The following GPHN variants were observed in gnomAD, a reference collection of about 807,000 sequenced individuals.
The protein encoded by GPHN is gephyrin.
A neutral mutation model predicts 95.5 loss-of-function variants in GPHN; 17 were observed. That is an observed-to-expected ratio of 0.18 (90% CI 0.12 to 0.27). GPHN has a LOEUF of 0.27. Among genes scored for constraint, GPHN ranks in the 10% least tolerant of loss-of-function variants. The pLI, the probability that GPHN is intolerant of heterozygous loss-of-function variation, is 1.00. For synonymous variants in GPHN, 320 were observed against 322.5 expected (o/e 0.99, Z 0.08); for missense variants, 660 against 978.1 (o/e 0.67, Z 4.34).
At chr14:66,741,367 A>T in intron 2 of GPHN, among the ~76,000 whole-genome samples, 1 of 152,174 alleles carries the variant, frequency 6.6e-6, no homozygotes, top group East Asian at 1.9e-4. Flanking sequence ...TTTGGAGATG[A>T]CTTGTGAAAC....
the GPHN span, chr14:67,646,383 AGG>A: frequency 4.4e-6 from 2 of 453,352 alleles, no homozygotes; most frequent in Non-Finnish European, 7.9e-6. Context: ...TCCTGCTACT[AGG>A]TAAGTTAATG....
the GPHN span, among the ~76,000 whole-genome samples, chr14:67,520,922 C>A: frequency 2.0e-5 from 3 of 152,216 alleles, no homozygotes; most frequent in Admixed American, 6.5e-5. Context: ...AGCAATTTTG[C>A]ATTCCCACAA....
At chr14:67,094,629 T>C (rs1224356532) in intron 12 of GPHN, among the ~76,000 whole-genome samples, 1 of 152,186 alleles carries the variant, frequency 6.6e-6, no homozygotes, top group Non-Finnish European at 1.5e-5. Flanking sequence ...CCTAAACTTG[T>C]AGAATTCATC....
the GPHN span, among the ~76,000 whole-genome samples, chr14:67,675,560 A>G: frequency 7.0e-6 from 1 of 143,640 alleles, no homozygotes; most frequent in Non-Finnish European, 1.6e-5. Flanking sequence ...GGCCCGAGTA[A>G]TTCTCCTCGT....
At chr14:67,695,716 CA>C in the GPHN span, 3 of 1,613,106 alleles carry the variant, frequency 1.9e-6, no homozygotes. Flanking sequence ...CTGCCGGCTG[CA>C]GCGGCACCAG....
At chr14:67,608,586 G>T in the GPHN span, among the ~76,000 whole-genome samples, 2 of 152,186 alleles carry the variant, frequency 1.3e-5, no homozygotes, top group Non-Finnish European at 1.5e-5. Flanking sequence ...AGGTTCTATT[G>T]TGTTTTTTGA....
intron 12 of GPHN, among the ~76,000 whole-genome samples, chr14:67,097,011 C>T (rs2077430247): frequency 6.6e-6 from 1 of 152,164 alleles, no homozygotes; most frequent in Non-Finnish European, 1.5e-5. Context: ...GTCATTCGTG[C>T]ATGAATCTTC....
At chr14:66,882,866 A>C (rs1008284930) in intron 5 of GPHN, among the ~76,000 whole-genome samples, 1 of 151,626 alleles carries the variant, frequency 6.6e-6, no homozygotes, top group Admixed American at 6.6e-5. Flanking sequence ...TAAAAAAAAA[A>C]AAGTAAAATA....
At chr14:67,588,515 T>C in the GPHN span, 2 of 152,140 alleles carry the variant, frequency 1.3e-5, no homozygotes, top group Non-Finnish European at 2.9e-5. Context: ...TCTTTTGCCT[T>C]ACTGATAATA....
At chr14:66,717,121 G>T (rs2070256673) in intron 2 of GPHN, among the ~76,000 whole-genome samples, 1 of 152,144 alleles carries the variant, frequency 6.6e-6, no homozygotes, top group Non-Finnish European at 1.5e-5. Flanking sequence ...TTCTTCCTCA[G>T]GAACACCGAT....
intron 2 of GPHN, among the ~76,000 whole-genome samples, chr14:66,722,439 T>G (rs1218210870): frequency 6.6e-6 from 1 of 151,792 alleles, no homozygotes; most frequent in Non-Finnish European, 1.5e-5. Context: ...AAGGCTTTGT[T>G]TGTTTGTTTT....
chr14:67,061,151 C>T (rs2075810405), intron 11 of GPHN, among the ~76,000 whole-genome samples: 1 of 152,124 alleles, frequency 6.6e-6, no homozygotes, highest in African/African-American at 2.4e-5. Flanking sequence ...AAGTGATTCT[C>T]CTGCCTCAGC....
the GPHN span, chr14:67,578,202 A>G: frequency 1.6e-5 from 26 of 1,611,580 alleles, no homozygotes; most frequent in Non-Finnish European, 2.1e-5. This position sits in a 1 kb window ranked among gnomAD's most constrained non-coding sequence, Gnocchi z 5.0. Flanking sequence ...TCATGCAGGT[A>G]GGCATGCCAG....
the GPHN span, chr14:67,620,186 G>C: frequency 1.2e-6 from 1 of 843,820 alleles, no homozygotes; most frequent in Non-Finnish European, 1.8e-6. Context: ...GGCGAGGAGA[G>C]GATGGGGAGA....
intron 9 of GPHN, among the ~76,000 whole-genome samples, chr14:66,992,883 T>C (rs2071528561): frequency 6.6e-6 from 1 of 152,186 alleles, no homozygotes; most frequent in South Asian, 2.1e-4. Flanking sequence ...TGCTCATTCA[T>C]TTGCACATAA....
the GPHN span, among the ~76,000 whole-genome samples, chr14:67,676,637 C>T: frequency 6.6e-6 from 1 of 151,970 alleles, no homozygotes; most frequent in Non-Finnish European, 1.5e-5. Context: ...TGAAGAGTGT[C>T]AAAAAAGGTT....
intron 1 of GPHN, among the ~76,000 whole-genome samples, chr14:66,617,366 T>G (rs2063091079): frequency 6.6e-6 from 1 of 152,124 alleles, no homozygotes; most frequent in Non-Finnish European, 1.5e-5. Context: ...TTGGATCTTC[T>G]GATCCATGGG....
At chr14:66,834,301 A>G (rs1304864581) in intron 4 of GPHN, among the ~76,000 whole-genome samples, 4 of 152,210 alleles carry the variant, frequency 2.6e-5, no homozygotes, top group Non-Finnish European at 1.5e-5. Context: ...TATGCATGAA[A>G]AAAGAAAAGC....
the GPHN span, among the ~76,000 whole-genome samples, chr14:67,612,663 G>C: frequency 2.0e-4 from 30 of 152,246 alleles, no homozygotes; most frequent in Non-Finnish European, 4.0e-4. Flanking sequence ...TAGGCTGGGT[G>C]CGGTAGCTCA....
Sources: gnomAD v4.1 joint callset for allele counts (sites outside exome capture counted in the v4.1 genomes callset) on GRCh38, gnomAD v4.1.1 for gene constraint, Gnocchi (gnomAD v3.1) non-coding constraint, MANE v1.5 for transcripts, NCBI Gene and HGNC (gene_info 2026-07-23, HGNC 2026-07-21) for gene names.